The following HS1BP3 variants were observed in gnomAD, a reference collection of about 807,000 sequenced individuals.
The protein encoded by HS1BP3 is HCLS1-binding protein 3.
In HS1BP3, 32 loss-of-function variants were observed where a neutral mutation model predicts 33.5. The ratio of observed to expected loss-of-function variants is 0.95; its 90% CI spans 0.72 to 1.28. The LOEUF is 1.28. Ranked by LOEUF, HS1BP3 falls within the 50% of genes most tolerant of loss-of-function variation. The pLI, the probability that HS1BP3 is intolerant of heterozygous loss-of-function variation, is 0.00. For missense variants in HS1BP3, 486 were observed against 502.3 expected (o/e 0.97, Z 0.31); for synonymous variants, 187 against 209.2 (o/e 0.89, Z 0.92).
At chr2:20,586,841 G>T (rs1242490270) in intron 5 of HS1BP3, among the ~76,000 whole-genome samples, 1 of 152,154 alleles carries the variant, frequency 6.6e-6, no homozygotes, top group African/African-American at 2.4e-5. Context: ...ATGAACATTT[G>T]CGTTTCGTTA....
intron 5 of HS1BP3, among the ~76,000 whole-genome samples, chr2:20,573,600 G>A (rs1230640815): frequency 6.6e-6 from 1 of 152,188 alleles, no homozygotes; most frequent in African/African-American, 2.4e-5. Flanking sequence ...GCAGCCTCCC[G>A]GGCCTTTGCT....
At chr2:20,602,591 T>C (rs968340338) in intron 2 of HS1BP3, among the ~76,000 whole-genome samples, 4 of 152,284 alleles carry the variant, frequency 2.6e-5, no homozygotes, top group African/African-American at 9.6e-5. Context: ...ATCCTTATGA[T>C]TGCTCATTTT....
At chr2:20,603,257 C>T (rs573196808) in intron 2 of HS1BP3, among the ~76,000 whole-genome samples, 5 of 152,080 alleles carry the variant, frequency 3.3e-5, no homozygotes, top group Non-Finnish European at 7.4e-5. Context: ...AAACATAGGT[C>T]CACACCAAAA....
chr2:20,564,811 G>A (rs1693086099), intron 5 of HS1BP3, among the ~76,000 whole-genome samples: 1 of 152,174 alleles, frequency 6.6e-6, no homozygotes, highest in Admixed American at 6.5e-5. Flanking sequence ...TTTGTGTTTG[G>A]AGAGTCATTT....
chr2:20,649,276 C>T (rs903143825), intron 1 of HS1BP3, among the ~76,000 whole-genome samples: 5 of 152,232 alleles, frequency 3.3e-5, no homozygotes, highest in East Asian at 1.9e-4. Context: ...ATACCAGCCT[C>T]GGGACCCTGG....
At chr2:20,570,162 T>C (rs1482140642) in intron 5 of HS1BP3, among the ~76,000 whole-genome samples, 1 of 122,862 alleles carries the variant, frequency 8.1e-6, no homozygotes, top group East Asian at 2.5e-4. Flanking sequence ...CCTCTTCTCA[T>C]GGAAACGTTT....
chr2:20,601,661 G>A (rs888611770), intron 2 of HS1BP3, among the ~76,000 whole-genome samples: 1 of 151,612 alleles, frequency 6.6e-6, no homozygotes, highest in African/African-American at 2.4e-5. Flanking sequence ...AGGTCCCTTT[G>A]CTCTTCCTTT....
rs185202011 is a variant in HS1BP3, at chr2:20,623,720, C to G, written c.920+176G>C. 2.7e-5 allele frequency: 18 copies of G among 657,240 alleles called. No individual in the cohort carries two copies. The African/African-American group carries it at 3.4e-4, about 12-fold the overall frequency. The allele number at this position is 657,240 out of a possible 1,614,324, so 40.7% of individuals were successfully genotyped here. A position where few individuals can be genotyped will look rare whatever the true frequency, so the allele number is the denominator to read the frequency against. On this transcript the variant is annotated intron_variant, in intron 6 of 6. Transcript: ENST00000304031. ...GCAGCCCTGGGCTGCGGATCCTCCC[C>G]CTCAGCCCCCTTCACCGCCTCTCAC...
chr2:20,616,219 A>C (rs889563361), downstream of HS1BP3, among the ~76,000 whole-genome samples: 13 of 152,190 alleles, frequency 8.5e-5, no homozygotes, highest in African/African-American at 2.9e-4. Context: ...TGTCCTCAGG[A>C]GCCAGGACTC....
chr2:20,601,956 A>C (rs986561754), intron 2 of HS1BP3, among the ~76,000 whole-genome samples: 3 of 151,586 alleles, frequency 2.0e-5, no homozygotes, highest in Non-Finnish European at 4.4e-5. Flanking sequence ...GAAGAATTTC[A>C]AGAAAGGAAG....
intron 6 of HS1BP3, chr2:20,622,704 C>T: frequency 5.0e-6 from 1 of 201,388 alleles, no homozygotes; most frequent in Non-Finnish European, 1.1e-5. Flanking sequence ...CCTAGACATG[C>T]TCGGCCTGGC....
chr2:20,579,368 G>A (rs1484852048), intron 5 of HS1BP3, among the ~76,000 whole-genome samples: 2 of 152,364 alleles, frequency 1.3e-5, no homozygotes, highest in Admixed American at 1.3e-4. Flanking sequence ...CCGGGACTTC[G>A]AGAGACAGGG....
At chr2:20,566,063 C>T (rs1464460840) in intron 5 of HS1BP3, among the ~76,000 whole-genome samples, 1 of 152,246 alleles carries the variant, frequency 6.6e-6, no homozygotes, top group Admixed American at 6.5e-5. Context: ...GCAAACAGCC[C>T]ACCCTGCCCC....
chr2:20,606,657 C>A, intron 2 of HS1BP3: 9 of 439,002 alleles, frequency 2.1e-5, no homozygotes, highest in South Asian at 1.5e-4. Context: ...GGTGGCATTG[C>A]AAAGCTCAGA....
intron 1 of HS1BP3, among the ~76,000 whole-genome samples, chr2:20,648,783 C>T (rs536783501): frequency 4.1e-4 from 62 of 152,280 alleles, no homozygotes; most frequent in Admixed American, 2.8e-3. Context: ...ACTGGGCTGT[C>T]AACGAGCTTC....
intron 5 of HS1BP3, among the ~76,000 whole-genome samples, chr2:20,572,977 C>T (rs75472546): frequency 0.028 from 4,188 of 152,234 alleles, 62 homozygotes; most frequent in Non-Finnish European, 0.031. Flanking sequence ...TGGTAGCCAC[C>T]GCAACATAGA....
intron 5 of HS1BP3, among the ~76,000 whole-genome samples, chr2:20,580,231 G>A (rs967152672): frequency 1.3e-5 from 2 of 152,360 alleles, no homozygotes; most frequent in Admixed American, 6.5e-5. Context: ...AAACTTCCAA[G>A]GGGGAAGCTG....
intron 4 of HS1BP3, among the ~76,000 whole-genome samples, chr2:20,632,630 G>A (rs905072171): frequency 2.0e-5 from 3 of 152,200 alleles, no homozygotes; most frequent in African/African-American, 7.2e-5. Context: ...GTTGTTACTT[G>A]CCAGAACTTG....
downstream of HS1BP3, among the ~76,000 whole-genome samples, chr2:20,559,017 G>A (rs567844035): frequency 5.3e-5 from 8 of 152,316 alleles, no homozygotes; most frequent in South Asian, 1.7e-3. Flanking sequence ...GGGCTTGCTG[G>A]CACCCAGGAC....
Sources: allele counts gnomAD v4.1 joint callset (sites outside exome capture counted in the v4.1 genomes callset), GRCh38; gene constraint gnomAD v4.1.1; transcripts MANE v1.5; gene names NCBI Gene and HGNC (gene_info 2026-07-23, HGNC 2026-07-21).